DPF1: variants seen among roughly 807,000 people sequenced by gnomAD.
DPF1 encodes the protein double PHD fingers 1.
A neutral mutation model predicts 58.7 loss-of-function variants in DPF1; 14 were observed. The ratio of observed to expected loss-of-function variants is 0.24; its 90% CI spans 0.16 to 0.37. DPF1 has a LOEUF of 0.37. DPF1 is among the 10% of genes least tolerant of loss of function. DPF1 has a pLI of 1.00. For synonymous variants in DPF1, 216 were observed against 216.0 expected (o/e 1.00, Z 0.00); for missense variants, 345 against 529.9 (o/e 0.65, Z 3.43).
intron 9 of DPF1, 164 bp from the exon 10 acceptor site, chr19:38,213,920 C>T (rs112493126): frequency 4.9e-5 from 29 of 592,536 alleles, no homozygotes; most frequent in African/African-American, 2.0e-4. Flanking sequence ...ACCACGTGGC[C>T]GGCAGCAGTC....
chr19:38,217,434 C>T, intron 7 of DPF1, 26 bp downstream of exon 7: 1 of 1,545,552 alleles, frequency 6.5e-7, no homozygotes, highest in Non-Finnish European at 8.7e-7. Context: ...GGCCCCTGGC[C>T]ACCCCCACCT....
intron 10 of DPF1, among the ~76,000 whole-genome samples, chr19:38,212,966 G>A (rs568813572): frequency 1.3e-5 from 2 of 150,734 alleles, no homozygotes; most frequent in African/African-American, 4.9e-5. Flanking sequence ...TGCCAGAAAC[G>A]GTCATGGCTT....
chr19:38,214,742 C>T (rs931369699), intron 9 of DPF1, among the ~76,000 whole-genome samples: 1 of 151,962 alleles, frequency 6.6e-6, no homozygotes. Flanking sequence ...ACAGTGCACT[C>T]TGCAGCCTTG....
Position 38,211,980 on chromosome 19 carries a change from A to T in DPF1, c.*83T>A. 2 of 1,441,142 alleles carry T rather than the reference A, an allele frequency of 1.4e-6. No homozygotes were observed. Among genetic ancestry groups the T allele is most frequent in the East Asian group, 2.4e-5 (1 of 42,182 alleles). The allele number at this position is 1,441,142 out of a possible 1,614,324, so 89.3% of individuals were successfully genotyped here. A position where few individuals can be genotyped will look rare whatever the true frequency, so the allele number is the denominator to read the frequency against. ...CCCCCTCTCCCCCTCCCCCTGCGGG[A>T]TGTTCAGGGTGGGGGAGAATTGAGG... On this transcript the variant is annotated 3_prime_UTR_variant, in exon 12 of 12. Coordinates refer to ENST00000355526, the MANE Select transcript of DPF1 (RefSeq NM_001135155.3). This position sits in a 1 kb window ranked among gnomAD's most constrained non-coding sequence, Gnocchi z 4.0.
upstream of DPF1, chr19:38,227,835 G>C (rs1387708875): frequency 6.6e-6 from 1 of 152,324 alleles, no homozygotes; most frequent in Non-Finnish European, 1.5e-5. Context: ...TCTCCCCAGG[G>C]GATTTGACTC....
At position 38,224,211 on chromosome 19, in the gene DPF1, T is replaced by A; in HGVS notation, c.-69A>T. 7.5e-7 allele frequency: 1 copy of A among 1,329,180 alleles called. No homozygotes were observed. The highest frequency in any genetic ancestry group is 9.6e-7 in the Non-Finnish European group (1 of 1,038,866). The allele number at this position is 1,329,180 out of a possible 1,614,324, so 82.3% of individuals were successfully genotyped here. ...GTCCTCCCAGCGGTCGGGCGGGCGC[T>A]GAGGCCGCCCATCCATTCATTCCCG... On this transcript the variant is annotated 5_prime_UTR_variant, in exon 1 of 12. Transcript: ENST00000355526. This position sits in a 1 kb window ranked among gnomAD's most constrained non-coding sequence, Gnocchi z 4.5.
chr19:38,216,055 AC>A, intron 9 of DPF1, 84 bp downstream of exon 9: 1 of 1,520,518 alleles, frequency 6.6e-7, no homozygotes, highest in Non-Finnish European at 8.8e-7. Flanking sequence ...CTCGGTCCTC[AC>A]CGCCTTGCCT....
chr19:38,220,621 AAAAAAAG>A (rs1315378752), intron 3 of DPF1, among the ~76,000 whole-genome samples: 4 of 149,684 alleles, frequency 2.7e-5, no homozygotes, highest in South Asian at 2.2e-4. Context: ...GTCTCAAAAA[AAAAAAAG>A]AAAAAGAAAA....
Position 38,224,055 on chromosome 19 carries a change from A to C in DPF1, c.29+59T>G. 1.4e-6 allele frequency: 2 copies of C among 1,467,106 alleles called. No homozygotes were observed. Among genetic ancestry groups the C allele is most frequent in the South Asian group, 1.5e-5 (1 of 68,836 alleles). 90.9% of individuals were successfully genotyped at this position (1,467,106 alleles called of 1,614,324 possible). A position where few individuals can be genotyped will look rare whatever the true frequency, so the allele number is the denominator to read the frequency against. ...GGCCCCACCCCCGGTCGCCACACAC[A>C]CACAGGCCCGCGTAGACCCGCCCGC... On this transcript the variant is annotated intron_variant, in intron 1 of 11. Coordinates refer to ENST00000355526, the MANE Select transcript of DPF1 (RefSeq NM_001135155.3). This position sits in a 1 kb window ranked among gnomAD's most constrained non-coding sequence, Gnocchi z 4.5.
At chr19:38,218,705 A>G in intron 4 of DPF1, 43 bp from the exon 5 acceptor site, 4 of 1,606,656 alleles carry the variant, frequency 2.5e-6, no homozygotes, top group Middle Eastern at 3.3e-4. Context: ...AGTGGGGGCC[A>G]CTGACCTGCT....
intron 6 of DPF1, 75 bp from the exon 7 acceptor site, chr19:38,217,666 C>A: frequency 6.5e-7 from 1 of 1,534,730 alleles, no homozygotes; most frequent in South Asian, 1.2e-5. Flanking sequence ...CCTCCAGGAT[C>A]ACACCTCCCC....
At chr19:38,226,426 G>T (rs777102569), upstream of DPF1, among the ~76,000 whole-genome samples, 105 of 150,524 alleles carry the variant, frequency 7.0e-4, no homozygotes, top group Middle Eastern at 3.4e-3. Context: ...TGGCCCGCTA[G>T]CCTTCACCAT....
chr19:38,218,886 G>T, intron 4 of DPF1, 45 bp downstream of exon 4: 1 of 1,609,176 alleles, frequency 6.2e-7, no homozygotes, highest in Non-Finnish European at 8.5e-7. Context: ...GCAGGCAGGG[G>T]TGAGACGAAG....
chr19:38,212,296 C>T lies in DPF1; in HGVS notation c.1077G>A (p.Met359Ile). 3 of 1,537,064 alleles carry T rather than the reference C, an allele frequency of 2.0e-6. No homozygotes were observed. The highest frequency in any genetic ancestry group is 2.6e-6 in the Non-Finnish European group (3 of 1,143,124). The stretch of plus-strand genomic sequence containing the variant: ...TCCTCTCACCTTCCGGGGGCTCCGC[C>T]ATGGGGGGACTCAGGCAGTACATGT... ...GYHMYCLSPPMAEPPEGSWSC... is the reference protein window; with the variant it reads ...GYHMYCLSPPIAEPPEGSWSC... The change falls in exon 11 of 12, where the codon ATG (methionine) becomes ATA (isoleucine). Residue 359 changes from methionine (M) to isoleucine (I), a missense_variant. Met to Ile is a conservative substitution (Grantham distance 10). Coordinates refer to ENST00000355526, the MANE Select transcript of DPF1 (RefSeq NM_001135155.3).
Position 38,222,474 on chromosome 19 carries a change from G to A in DPF1, c.191-10C>T. The A allele has an allele frequency of 6.3e-7, 1 of 1,582,564 alleles. No individual in the cohort carries two copies. The highest frequency in any genetic ancestry group is 8.5e-7 in the Non-Finnish European group (1 of 1,170,054). On this transcript the variant is annotated splice_polypyrimidine_tract_variant and intron_variant, in intron 2 of 11. Coordinates refer to ENST00000355526, the MANE Select transcript of DPF1 (RefSeq NM_001135155.3). This position sits in a 1 kb window ranked among gnomAD's most constrained non-coding sequence, Gnocchi z 4.9. ...TGTCCCGGGGCCAAACCTGGAGAGA[G>A]AGGGGGGTGAGAGGGCGGCGGCGGT...
chr19:38,227,199 C>T (rs1343321412), upstream of DPF1, among the ~76,000 whole-genome samples: 1 of 151,848 alleles, frequency 6.6e-6, no homozygotes, highest in Non-Finnish European at 1.5e-5. Flanking sequence ...CCACCTCAAA[C>T]CCCCAAGTAG....
At chr19:38,223,992 A>T in intron 1 of DPF1, 122 bp downstream of exon 1, 1 of 1,264,684 alleles carries the variant, frequency 7.9e-7, no homozygotes. Context: ...ACCCCCGCGC[A>T]GCCCCGCACT....
chr19:38,218,744 T>C (rs1967223019), intron 4 of DPF1, 82 bp from the exon 5 acceptor site: 3 of 1,554,310 alleles, frequency 1.9e-6, no homozygotes, highest in Non-Finnish European at 1.8e-6. Context: ...AAGGTGGAGA[T>C]TGGGGGTGAG....
chr19:38,228,414 C>T (rs895152082), upstream of DPF1, among the ~76,000 whole-genome samples: 2 of 151,768 alleles, frequency 1.3e-5, no homozygotes, highest in African/African-American at 4.8e-5. Flanking sequence ...CCCACCCCCG[C>T]CCCCAGCCCT....
Sources: allele counts gnomAD v4.1 joint callset (sites outside exome capture counted in the v4.1 genomes callset), GRCh38; gene constraint gnomAD v4.1.1; non-coding constraint Gnocchi (gnomAD v3.1); transcripts MANE v1.5; gene names NCBI Gene and HGNC (gene_info 2026-07-23, HGNC 2026-07-21).